HECW1: variants seen among roughly 807,000 people sequenced by gnomAD.
HECW1 encodes HECT, C2 and WW domain containing E3 ubiquitin protein ligase 1, also known as E3 ubiquitin-protein ligase HECW1.
A neutral mutation model predicts 182.3 loss-of-function variants in HECW1; 61 were observed. The observed-to-expected ratio is 0.33, with a 90% confidence interval of 0.27 to 0.41. The LOEUF is 0.41. Among genes scored for constraint, HECW1 ranks in the 10% least tolerant of loss-of-function variants. HECW1 has a pLI of 1.00. For missense variants in HECW1, 1,739 were observed against 2,108.9 expected, an observed-to-expected ratio of 0.82 and a Z score of 3.44; for synonymous variants, 859 against 832.6, an observed-to-expected ratio of 1.03 and a Z score of -0.55.
chr7:43,305,731 T>C (rs1001135953), intron 3 of HECW1, among the ~76,000 whole-genome samples: 1 of 151,526 alleles, frequency 6.6e-6, no homozygotes, highest in East Asian at 1.9e-4. Flanking sequence ...CTTCAGCAGC[T>C]GCGATTACAG....
At chr7:43,551,869 G>T (rs188708067) in intron 27 of HECW1, among the ~76,000 whole-genome samples, 1 of 152,220 alleles carries the variant, frequency 6.6e-6, no homozygotes, top group East Asian at 1.9e-4. Flanking sequence ...CCACCTTCTG[G>T]TTCATAGATG....
chr7:43,164,989 A>C (rs1790952537), intron 2 of HECW1, among the ~76,000 whole-genome samples: 1 of 152,230 alleles, frequency 6.6e-6, no homozygotes, highest in African/African-American at 2.4e-5. Flanking sequence ...TCTCTGAGTC[A>C]GGGAATGCCC....
intron 2 of HECW1, among the ~76,000 whole-genome samples, chr7:43,185,025 C>T (rs936176687): frequency 6.6e-6 from 1 of 152,146 alleles, no homozygotes; most frequent in Non-Finnish European, 1.5e-5. Context: ...CCCCCACCCC[C>T]TGCCAGGCCC....
chr7:43,186,200 A>G (rs534208768), intron 2 of HECW1, among the ~76,000 whole-genome samples: 2 of 152,314 alleles, frequency 1.3e-5, no homozygotes, highest in East Asian at 3.9e-4. Context: ...TAACCCCTAC[A>G]TGATTTATTT....
intron 6 of HECW1, among the ~76,000 whole-genome samples, chr7:43,375,835 G>C (rs2074298733): frequency 6.8e-6 from 1 of 147,160 alleles, no homozygotes; most frequent in African/African-American, 2.5e-5. Flanking sequence ...CAAGGCTGCA[G>C]TGAGCCATGA....
At chr7:43,514,776 G>C (rs2080063576) in intron 24 of HECW1, among the ~76,000 whole-genome samples, 1 of 151,978 alleles carries the variant, frequency 6.6e-6, no homozygotes, top group Non-Finnish European at 1.5e-5. Context: ...AAATATACCA[G>C]GCACTGTCTA....
At chr7:43,450,986 T>C in intron 12 of HECW1, 57 bp downstream of exon 12, 1 of 1,209,148 alleles carries the variant, frequency 8.3e-7, no homozygotes, top group Non-Finnish European at 1.2e-6. Context: ...TCTAAGCAGG[T>C]CAGTATGAAT....
intron 6 of HECW1, among the ~76,000 whole-genome samples, chr7:43,392,254 G>A (rs987933256): frequency 6.6e-6 from 1 of 152,138 alleles, no homozygotes; most frequent in Non-Finnish European, 1.5e-5. Context: ...AGCATGTTTA[G>A]GGGAAATAAT....
At chr7:43,276,129 C>A (rs773401541) in intron 3 of HECW1, among the ~76,000 whole-genome samples, 1 of 152,194 alleles carries the variant, frequency 6.6e-6, no homozygotes, top group East Asian at 1.9e-4. Flanking sequence ...CATTTTTTTT[C>A]TTGTCTGTGT....
intron 3 of HECW1, among the ~76,000 whole-genome samples, chr7:43,265,569 AC>A (rs1801686776): frequency 2.0e-5 from 3 of 152,306 alleles, no homozygotes; most frequent in African/African-American, 7.2e-5. Context: ...AGTTTAAAAC[AC>A]CTTTTGTTGT....
At chr7:43,229,393 A>G (rs1270807146) in intron 2 of HECW1, among the ~76,000 whole-genome samples, 2 of 152,036 alleles carry the variant, frequency 1.3e-5, no homozygotes, top group Non-Finnish European at 2.9e-5. Context: ...CAAAGACAGC[A>G]TGTTCTCACT....
At chr7:43,317,341 A>G (rs566389645) in intron 4 of HECW1, among the ~76,000 whole-genome samples, 1 of 152,334 alleles carries the variant, frequency 6.6e-6, no homozygotes, top group South Asian at 2.1e-4. Context: ...CCTGCCCTCC[A>G]GATTGCAGTG....
chr7:43,234,840 A>G (rs2040840), intron 2 of HECW1, among the ~76,000 whole-genome samples: 76,448 of 152,028 alleles, frequency 0.5, 20,442 homozygotes, highest in African/African-American at 0.68. Flanking sequence ...GCCCACCACA[A>G]ACATTTGCTG....
intron 3 of HECW1, among the ~76,000 whole-genome samples, chr7:43,267,312 A>G (rs75615949): frequency 0.054 from 8,263 of 152,250 alleles, 301 homozygotes; most frequent in Middle Eastern, 0.11. Flanking sequence ...TTAGACATTA[A>G]TGATTTTTAA....
intron 24 of HECW1, among the ~76,000 whole-genome samples, chr7:43,524,863 C>A (rs1391509612): frequency 6.6e-6 from 1 of 152,204 alleles, no homozygotes; most frequent in Admixed American, 6.5e-5. Flanking sequence ...GTGGAAGGAG[C>A]TCCTGTGTCC....
chr7:43,320,279 T>C (rs958387339), intron 4 of HECW1, among the ~76,000 whole-genome samples: 9 of 152,212 alleles, frequency 5.9e-5, no homozygotes, highest in Non-Finnish European at 7.3e-5. Context: ...GATCAGTTCA[T>C]AGAAGCTTTA....
intron 18 of HECW1, among the ~76,000 whole-genome samples, chr7:43,492,601 T>C (rs145369684): frequency 6.6e-5 from 10 of 152,342 alleles, no homozygotes; most frequent in African/African-American, 2.4e-4. Flanking sequence ...GCCACCTCTT[T>C]CCAAAACATA....
At chr7:43,468,518 A>G (rs1585002402) in intron 15 of HECW1, among the ~76,000 whole-genome samples, 1 of 151,148 alleles carries the variant, frequency 6.6e-6, no homozygotes, top group South Asian at 2.1e-4. Flanking sequence ...GATTCAATGC[A>G]CATTCACTTT....
At chr7:43,546,219 C>CTTTTT (rs34255651) in intron 26 of HECW1, among the ~76,000 whole-genome samples, 34 of 91,864 alleles carry the variant, frequency 3.7e-4, no homozygotes, top group South Asian at 8.5e-4. Flanking sequence ...TACCCCCAAC[C>CTTTTT]TTTTTTTTTT....
Sources: gnomAD v4.1 joint callset for allele counts (sites outside exome capture counted in the v4.1 genomes callset) on GRCh38, gnomAD v4.1.1 for gene constraint, MANE v1.5 for transcripts, NCBI Gene and HGNC (gene_info 2026-07-23, HGNC 2026-07-21) for gene names.